CHL1: variants seen among roughly 807,000 people sequenced by gnomAD.
CHL1 encodes cell adhesion molecule L1 like, also known as neural cell adhesion molecule L1-like protein.
Under a neutral mutation model 141.9 loss-of-function variants are expected in CHL1, and 96 were observed. The observed-to-expected ratio is 0.68, with a 90% CI of 0.57 to 0.80. The LOEUF is 0.80. CHL1 is among the 30% of genes least tolerant of loss of function. The probability of loss-of-function intolerance (pLI) is 0.00; values close to 1 mark genes in which losing one functional copy is unlikely to be tolerated. For synonymous variants in CHL1, 613 were observed against 502.2 expected, an observed-to-expected ratio of 1.22 and a Z score of -2.95; for missense variants, 1,820 against 1,457.2, an observed-to-expected ratio of 1.25 and a Z score of -4.05.
chr3:232,208 G>A (rs1701927387), intron 1 of CHL1, among the ~76,000 whole-genome samples: 1 of 152,118 alleles, frequency 6.6e-6, no homozygotes, highest in South Asian at 2.1e-4. Context: ...CTGTGTATTG[G>A]CATGTCATTA....
intron 1 of CHL1, among the ~76,000 whole-genome samples, chr3:232,227 T>A (rs1701928354): frequency 6.6e-6 from 1 of 152,218 alleles, no homozygotes; most frequent in Non-Finnish European, 1.5e-5. Context: ...TACACATTAT[T>A]AATTTGGTCT....
intron 5 of CHL1, among the ~76,000 whole-genome samples, chr3:331,910 C>G (rs1194500265): frequency 2.0e-5 from 3 of 152,158 alleles, no homozygotes; most frequent in African/African-American, 7.2e-5. Flanking sequence ...TGGGAAATAT[C>G]AGAAAATCCA....
intron 1 of CHL1, among the ~76,000 whole-genome samples, chr3:208,547 G>T (rs1291000422): frequency 1.3e-5 from 2 of 152,184 alleles, no homozygotes; most frequent in Non-Finnish European, 2.9e-5. Context: ...GCCTTATGAA[G>T]GGAGTGGAAG....
In CHL1 at chr3:394,826, C is replaced by T. The variant is rs763909194; in HGVS notation, c.3048C>T (p.Gly1016=). 13 of 1,613,580 alleles carry T rather than the reference C, an allele frequency of 8.1e-6. No homozygotes were observed. In the African/African-American group the frequency reaches 1.3e-4, roughly 17 times the overall value. The change falls in exon 24 of 28, where the codon GGC becomes GGT. Residue 1016 remains glycine (G), a synonymous_variant. Coordinates refer to ENST00000256509, the MANE Select transcript of CHL1 (RefSeq NM_006614.4). ...KFYLRACTSQ[G]CGKPITEESS... ...ACTTGAGGGCTTGCACTTCACAGGG[C>T]TGTGGAAAACCGATCACGGAGGAAA...
intron 10 of CHL1, among the ~76,000 whole-genome samples, chr3:350,790 A>G (rs1359945976): frequency 6.6e-6 from 1 of 152,202 alleles, no homozygotes; most frequent in Non-Finnish European, 1.5e-5. Flanking sequence ...TGACTTGACA[A>G]AAGCAAAACT....
intron 22 of CHL1, 43 bp downstream of exon 22, chr3:391,202 A>T: frequency 7.0e-7 from 1 of 1,424,164 alleles, no homozygotes; most frequent in Non-Finnish European, 9.9e-7. Context: ...AATGGAGGTG[A>T]TCCATGGCCA....
chr3:235,819 A>G (rs934399527), intron 1 of CHL1, among the ~76,000 whole-genome samples: 3 of 152,198 alleles, frequency 2.0e-5, no homozygotes, highest in African/African-American at 7.2e-5. Flanking sequence ...GACTGTTTCA[A>G]ACATGATTTC....
chr3:408,841 A>G lies in CHL1; in HGVS notation c.*3130A>G, dbSNP rs932118953. 2.0e-5 allele frequency: 3 copies of G among 152,106 alleles called. No homozygotes were observed. Among genetic ancestry groups the G allele is most frequent in the African/African-American group, 7.2e-5 (3 of 41,436 alleles). 9.4% of individuals were successfully genotyped at this position (152,106 alleles called of 1,614,324 possible). On this transcript the variant is annotated 3_prime_UTR_variant, in exon 28 of 28. Transcript: ENST00000256509. ...AATTTGGTGGTTTTATTCTATCGGT[A>G]TAAAGGCATTGATATTTTAGATGCA... is the stretch of plus-strand genomic sequence containing the variant.
chr3:363,281 T>C lies in CHL1; in HGVS notation c.1483T>C (p.Leu495=). The C allele has an allele frequency of 6.2e-7, 1 of 1,613,752 alleles. No homozygotes were observed. The highest frequency in any genetic ancestry group is 8.5e-7 in the Non-Finnish European group (1 of 1,179,764). ...GTATCATATCTATGAAAATGGCACA[T>C]TGCAGATCAACAGAACCACCGAAGA... ...RRYHIYENGT[L]QINRTTEEDA... Residue 495 remains leucine, a synonymous_variant, in exon 14 of 28, where the codon TTG becomes CTG. Coordinates refer to ENST00000256509, the MANE Select transcript of CHL1 (RefSeq NM_006614.4).
In CHL1 at chr3:344,684, C is replaced by A; in HGVS notation, c.823C>A (p.Leu275Met). 6.2e-7 allele frequency: 1 copy of A among 1,613,698 alleles called. No homozygotes were observed. Among genetic ancestry groups the A allele is most frequent in the Non-Finnish European group, 8.5e-7 (1 of 1,179,802 alleles). The change falls in exon 9 of 28, where the codon CTG (leucine) becomes ATG (methionine). Residue 275 changes from leucine to methionine, a missense_variant. By Grantham distance (15) the Leu-to-Met change is conservative. Transcript: ENST00000256509. ...TACCATCCTCAAAGGGGAAATCTTGCTGCTTGAGTGTTTTGCTGAAGGCTT... is the reference window on the plus strand; with the variant it reads ...TACCATCCTCAAAGGGGAAATCTTGATGCTTGAGTGTTTTGCTGAAGGCTT... ...SITILKGEIL[L>M]LECFAEGLPT...
intron 2 of CHL1, among the ~76,000 whole-genome samples, chr3:276,610 C>T (rs1008275134): frequency 6.6e-6 from 1 of 152,058 alleles, no homozygotes; most frequent in Non-Finnish European, 1.5e-5. Context: ...GGCTCTGGGG[C>T]TGGGCACGGT....
intron 2 of CHL1, among the ~76,000 whole-genome samples, chr3:282,482 C>A (rs1392339611): frequency 6.6e-6 from 1 of 152,124 alleles, no homozygotes; most frequent in East Asian, 1.9e-4. Flanking sequence ...AGTGTTCTTT[C>A]ATTTTAGCTT....
chr3:389,131 A>C (rs901073851), intron 19 of CHL1, 121 bp from the exon 20 acceptor site: 4 of 783,698 alleles, frequency 5.1e-6, no homozygotes, highest in Non-Finnish European at 6.2e-6. Flanking sequence ...GGGGGATTTA[A>C]GATCTCTCAA....
intron 3 of CHL1, among the ~76,000 whole-genome samples, chr3:322,629 TTATATATATATATAAAATATATATATA>T (rs960338505): frequency 5.8e-5 from 7 of 119,894 alleles, no homozygotes; most frequent in Non-Finnish European, 9.9e-5. Flanking sequence ...CATCTCTAAA[TTATATATATATATAAAATATATATATA>T]TATATATATA....
At chr3:284,936 C>T (rs188367104) in intron 2 of CHL1, among the ~76,000 whole-genome samples, 2 of 152,106 alleles carry the variant, frequency 1.3e-5, no homozygotes, top group East Asian at 1.9e-4. Context: ...CGTTGTTTGA[C>T]GAATCAAATA....
At chr3:275,205 G>C (rs1320586982) in intron 2 of CHL1, among the ~76,000 whole-genome samples, 1 of 152,150 alleles carries the variant, frequency 6.6e-6, no homozygotes, top group Non-Finnish European at 1.5e-5. Flanking sequence ...AAGTGGTAGG[G>C]GTCAGGCTCT....
rs985632614 is a variant in CHL1, at chr3:244,613, G to C, written c.-174G>C. ...TTACAACTTTCTAATCTATCCCTAG[G>C]TGCTGTAAACTGCAAACCATAATCC... On this transcript the variant is annotated splice_region_variant and 5_prime_UTR_variant, in exon 2 of 28. Transcript: ENST00000256509. 7.2e-5 allele frequency: 11 copies of C among 152,120 alleles called. No individual in the cohort carries two copies. Among genetic ancestry groups the C allele is most frequent in the African/African-American group, 2.7e-4 (11 of 41,426 alleles). 9.4% of individuals were successfully genotyped at this position (152,120 alleles called of 1,614,324 possible).
chr3:385,492 T>C (rs1167898137), intron 19 of CHL1, among the ~76,000 whole-genome samples: 1 of 152,116 alleles, frequency 6.6e-6, no homozygotes, highest in Non-Finnish European at 1.5e-5. Context: ...ATACACAAGA[T>C]TGATTATTAA....
At chr3:378,964 A>G (rs1706691227) in intron 16 of CHL1, among the ~76,000 whole-genome samples, 1 of 151,966 alleles carries the variant, frequency 6.6e-6, no homozygotes, top group Admixed American at 6.6e-5. Flanking sequence ...AGCTACAGAC[A>G]TTTGTTCTGT....
Sources: allele counts gnomAD v4.1 joint callset (sites outside exome capture counted in the v4.1 genomes callset), GRCh38; gene constraint gnomAD v4.1.1; transcripts MANE v1.5; gene names NCBI Gene and HGNC (gene_info 2026-07-23, HGNC 2026-07-21).